Variants in PUS7L observed in about 807,000 individuals in gnomAD.
PUS7L encodes pseudouridine synthase 7 like, also known as pseudouridylate synthase PUS7L.
PUS7L carries 49 observed loss-of-function variants against 51.1 expected under a neutral mutation model. That is an observed-to-expected ratio of 0.96 (90% confidence interval 0.76 to 1.22). The LOEUF is 1.22. Among genes scored for constraint, PUS7L ranks in the 50% most tolerant of loss-of-function variants. The probability of loss-of-function intolerance (pLI) is 0.00; values close to 1 mark genes in which losing one functional copy is unlikely to be tolerated. For missense variants in PUS7L, 828 were observed against 820.6 expected, an observed-to-expected ratio of 1.01 and a Z score of -0.11; for synonymous variants, 277 against 276.2, an observed-to-expected ratio of 1.00 and a Z score of -0.03.
chr12:43,733,555 TA>T (rs746750662), intron 7 of PUS7L, among the ~76,000 whole-genome samples: 41 of 152,226 alleles, frequency 2.7e-4, no homozygotes, highest in Non-Finnish European at 4.4e-4. Context: ...ACTATCCTTG[TA>T]AATGTTATTC....
Position 43,725,555 on chromosome 12 carries a change from ATT to A in PUS7L, c.*4819_*4820del, listed in dbSNP as rs1364163896. ...CTCAGCCTCCCAAGTAGCCCAGCTA[ATT>A]TTTTTATTTTTAGTAGAGACAGGGT... is the stretch of plus-strand genomic sequence containing the variant. On this transcript the variant is annotated 3_prime_UTR_variant, in exon 9 of 9. Coordinates refer to ENST00000344862, the MANE Select transcript of PUS7L (RefSeq NM_031292.5). 1 of 152,066 alleles carries A rather than the reference ATT, an allele frequency of 6.6e-6. No individual in the cohort carries two copies. The highest frequency in any genetic ancestry group is 2.4e-5 in the African/African-American group (1 of 41,426). 9.4% of individuals were successfully genotyped at this position (152,066 alleles called of 1,614,324 possible).
intron 4 of PUS7L, among the ~76,000 whole-genome samples, chr12:43,745,748 T>C (rs976084511): frequency 2.2e-5 from 3 of 137,014 alleles, no homozygotes; most frequent in African/African-American, 8.0e-5. Context: ...ATATAGCAGA[T>C]GCTTAAAAAA....
Position 43,728,712 on chromosome 12 carries a change from A to C in PUS7L, c.*1664T>G, listed in dbSNP as rs1324606622. 6.6e-6 allele frequency: 1 copy of C among 152,180 alleles called. No homozygotes were observed. Among genetic ancestry groups the C allele is most frequent in the Non-Finnish European group, 1.5e-5 (1 of 68,028 alleles). The allele number at this position is 152,180 out of a possible 1,614,324, so 9.4% of individuals were successfully genotyped here. On this transcript the variant is annotated 3_prime_UTR_variant, in exon 9 of 9. Coordinates refer to ENST00000344862, the MANE Select transcript of PUS7L (RefSeq NM_031292.5). ...ATCATCTTAACAGGAAGGGATTTTC[A>C]TTTATTTGCTTTTCTCTTCCAAACT...
Position 43,723,322 on chromosome 12 carries a change from C to T in PUS7L, c.*7054G>A, listed in dbSNP as rs768267411. 4 of 152,046 alleles carry T rather than the reference C, an allele frequency of 2.6e-5. No individual in the cohort carries two copies. Among genetic ancestry groups the T allele is most frequent in the Non-Finnish European group, 4.4e-5 (3 of 67,950 alleles). 9.4% of individuals were successfully genotyped at this position (152,046 alleles called of 1,614,324 possible). ...TACACAAGATTAACTCCATTAACACCATTTCCCATTCTTTAAACTAGTAGC... is the reference window on the plus strand; with the variant it reads ...TACACAAGATTAACTCCATTAACACTATTTCCCATTCTTTAAACTAGTAGC... On this transcript the variant is annotated 3_prime_UTR_variant, in exon 9 of 9. Coordinates refer to ENST00000344862, the MANE Select transcript of PUS7L (RefSeq NM_031292.5).
At position 43,751,866 on chromosome 12, in the gene PUS7L, G is replaced by A. The variant is rs12227756; in HGVS notation, c.910+2470C>T. Among the ~76,000 whole-genome samples, 1,274 of 152,234 alleles carry A rather than the reference G, an allele frequency of 8.4e-3. 16 individuals are homozygous for A. The highest frequency in any genetic ancestry group is 0.062 in the East Asian group (318 of 5,168). ...ACATCCTCTCTAGCACCTGTCACCT[G>A]TTTCCTGACTTTTTAATGATCGCCA... On this transcript the variant is annotated intron_variant, in intron 2 of 8. Coordinates refer to ENST00000344862, the MANE Select transcript of PUS7L (RefSeq NM_031292.5).
chr12:43,740,225 A>G (rs946107131), intron 5 of PUS7L, among the ~76,000 whole-genome samples: 1 of 152,182 alleles, frequency 6.6e-6, no homozygotes, highest in Non-Finnish European at 1.5e-5. Flanking sequence ...TTATTTCTAA[A>G]GCACGTGTCT....
In PUS7L at chr12:43,749,889, A is replaced by C. The variant is rs12318086; in HGVS notation, c.911-1280T>G. 4.6e-5 allele frequency among the ~76,000 whole-genome samples: 7 copies of C among 152,126 alleles called. No homozygotes were observed. In the East Asian group the frequency reaches 1.4e-3, roughly 29 times the overall value. On this transcript the variant is annotated intron_variant, in intron 2 of 8. Coordinates refer to ENST00000344862, the MANE Select transcript of PUS7L (RefSeq NM_031292.5). The stretch of plus-strand genomic sequence containing the variant: ...ATGGAAACAATAGACACTGGGGTCT[A>C]TAAGAGGTAGGAGGGAGGAAGGGCA...
intron 8 of PUS7L, 72 bp downstream of exon 8, chr12:43,731,633 G>T: frequency 1.3e-6 from 1 of 747,596 alleles, no homozygotes; most frequent in Non-Finnish European, 2.3e-6. Context: ...AGGGGAACTA[G>T]TTAACATTTT....
intron 7 of PUS7L, among the ~76,000 whole-genome samples, chr12:43,734,561 TAA>T (rs1331879972): frequency 6.6e-6 from 1 of 152,226 alleles, no homozygotes; most frequent in Non-Finnish European, 1.5e-5. Context: ...TTAATTTAGA[TAA>T]AGTTTGCTTT....
chr12:43,749,205 C>G (rs1356226265), intron 2 of PUS7L, among the ~76,000 whole-genome samples: 1 of 152,202 alleles, frequency 6.6e-6, no homozygotes, highest in African/African-American at 2.4e-5. Context: ...TTCACATATC[C>G]TGTAACCCTG....
Position 43,738,313 on chromosome 12 carries a change from T to C in PUS7L, c.1441A>G (p.Thr481Ala). 1.3e-6 allele frequency: 2 copies of C among 1,522,396 alleles called. No homozygotes were observed. Among genetic ancestry groups the C allele is most frequent in the Non-Finnish European group, 1.8e-6 (2 of 1,096,880 alleles). 94.3% of individuals were successfully genotyped at this position (1,522,396 alleles called of 1,614,324 possible). ...VNRAKKYFLQTEDAKGTLSLM... is the reference protein window; with the variant it reads ...VNRAKKYFLQAEDAKGTLSLM... ...CAGGATAAAGAAACGTAAATACCAG[T>C]TTGAAGAAAATACTTCTTTGCTCTA... The change falls in exon 6 of 9, where the codon ACT (threonine) becomes GCT (alanine). Residue 481 changes from threonine (T) to alanine (A), a missense_variant. Thr to Ala is a moderately conservative substitution (Grantham distance 58, BLOSUM62 0). Transcript: ENST00000344862.
chr12:43,738,068 G>A (rs1937696275), intron 6 of PUS7L: 1 of 351,056 alleles, frequency 2.8e-6, no homozygotes, highest in Non-Finnish European at 5.1e-6. Context: ...GAAAAACTAA[G>A]AAACTATTTC....
chr12:43,741,595 T>A (rs1030665412), intron 5 of PUS7L, among the ~76,000 whole-genome samples: 2 of 152,238 alleles, frequency 1.3e-5, no homozygotes, highest in African/African-American at 4.8e-5. Context: ...TTTTCTAGAC[T>A]GAAGAACCAC....
chr12:43,742,925 T>C (rs566260707), intron 4 of PUS7L, among the ~76,000 whole-genome samples: 27 of 152,314 alleles, frequency 1.8e-4, no homozygotes, highest in African/African-American at 6.0e-4. Context: ...TCTTTCTTAT[T>C]TTGAGACTCT....
intron 5 of PUS7L, chr12:43,739,762 G>C (rs917010422): frequency 1.3e-4 from 20 of 152,044 alleles, no homozygotes; most frequent in Non-Finnish European, 7.4e-5. Flanking sequence ...TATAAAAGAT[G>C]GTTCTCCCTT....
intron 3 of PUS7L, among the ~76,000 whole-genome samples, chr12:43,747,512 G>A (rs1938226941): frequency 6.6e-6 from 1 of 151,880 alleles, no homozygotes; most frequent in Non-Finnish European, 1.5e-5. Flanking sequence ...TGGCCAACAT[G>A]GTGAAACCCC....
rs1490486224 is a variant in PUS7L, at chr12:43,720,663, C to T, written c.*9713G>A. ...TGCATAGTCAATTTCTATAAATGTC[C>T]CATGGATGCTTTAAAAGAATAGAGG... On this transcript the variant is annotated 3_prime_UTR_variant, in exon 9 of 9. Transcript: ENST00000344862. 1.3e-5 allele frequency: 2 copies of T among 151,962 alleles called. No individual in the cohort carries two copies. The highest frequency in any genetic ancestry group is 4.8e-5 in the African/African-American group (2 of 41,350). The allele number at this position is 151,962 out of a possible 1,614,324, so 9.4% of individuals were successfully genotyped here.
intron 1 of PUS7L, among the ~76,000 whole-genome samples, chr12:43,755,572 T>C (rs191310265): frequency 6.6e-6 from 1 of 152,300 alleles, no homozygotes; most frequent in Non-Finnish European, 1.5e-5. Context: ...AAAATATCAT[T>C]TGTAGGCTCA....
At chr12:43,731,791 T>A in intron 7 of PUS7L, 33 bp from the exon 8 acceptor site, 5 of 1,304,434 alleles carry the variant, frequency 3.8e-6, no homozygotes, top group Non-Finnish European at 5.5e-6. Context: ...TATGAATGAT[T>A]CCCAAATGTT....
Sources: allele counts gnomAD v4.1 joint callset (sites outside exome capture counted in the v4.1 genomes callset), GRCh38; gene constraint gnomAD v4.1.1; transcripts MANE v1.5; gene names NCBI Gene and HGNC (gene_info 2026-07-23, HGNC 2026-07-21).